Variants in CCSER1 observed in about 807,000 individuals in gnomAD.
CCSER1 encodes serine-rich coiled-coil domain-containing protein 1.
CCSER1 carries 41 observed loss-of-function variants against 82.0 expected under a neutral mutation model. That is an observed-to-expected ratio of 0.50 (90% CI 0.39 to 0.65). CCSER1 has a LOEUF of 0.65. Among genes scored for constraint, CCSER1 ranks in the 30% least tolerant of loss-of-function variants. CCSER1 has a pLI of 0.00. For missense variants in CCSER1, 1,119 were observed against 1,064.2 expected (o/e 1.05, Z -0.72); for synonymous variants, 414 against 383.9 (o/e 1.08, Z -0.92).
chr4:91,482,286 C>T (rs1367571250), intron 10 of CCSER1, among the ~76,000 whole-genome samples: 1 of 94,040 alleles, frequency 1.1e-5, no homozygotes, highest in Non-Finnish European at 2.1e-5. Context: ...CCTGTAGTCC[C>T]AGCTACTCGG....
chr4:90,892,217 C>CTTATTTT (rs1466278250), intron 8 of CCSER1, among the ~76,000 whole-genome samples: 2 of 151,804 alleles, frequency 1.3e-5, no homozygotes, highest in African/African-American at 4.8e-5. Flanking sequence ...TTAAGAAAGG[C>CTTATTTT]TTATTTTTAT....
chr4:91,050,341 G>T (rs1043030425), intron 9 of CCSER1, among the ~76,000 whole-genome samples: 2 of 151,456 alleles, frequency 1.3e-5, no homozygotes, highest in East Asian at 2.0e-4. Context: ...TGGGGCAGGA[G>T]ACTCTCTTGA....
chr4:90,434,779 G>T (rs1376549299), intron 4 of CCSER1, among the ~76,000 whole-genome samples: 1 of 152,126 alleles, frequency 6.6e-6, no homozygotes, highest in Non-Finnish European at 1.5e-5. Context: ...AGTAGTTGGG[G>T]ATTTGGTAAA....
chr4:90,262,315 C>G (rs1724482785), intron 1 of CCSER1, among the ~76,000 whole-genome samples: 1 of 151,900 alleles, frequency 6.6e-6, no homozygotes, highest in South Asian at 2.1e-4. Flanking sequence ...TCATTTGATT[C>G]TTGGTGCTTT....
At position 91,249,335 on chromosome 4, in the gene CCSER1, C is replaced by A. The variant is rs559735210; in HGVS notation, c.2217+163341C>A. On this transcript the variant is annotated intron_variant, in intron 10 of 10. Coordinates refer to ENST00000509176, the MANE Select transcript of CCSER1 (RefSeq NM_001145065.2). ...TTTCCCAATAGTTTAAGTTTACTTACTAAGAAGGGCTACGAGAGATGTGAC... is the reference window on the plus strand; with the variant it reads ...TTTCCCAATAGTTTAAGTTTACTTAATAAGAAGGGCTACGAGAGATGTGAC... Among the ~76,000 whole-genome samples, 13 of 152,206 alleles carry A rather than the reference C, an allele frequency of 8.5e-5. No homozygotes were observed. The East Asian group carries it at 2.5e-3, about 29-fold the overall frequency.
intron 4 of CCSER1, among the ~76,000 whole-genome samples, chr4:90,440,466 A>G (rs1456908813): frequency 6.6e-6 from 1 of 152,226 alleles, no homozygotes; most frequent in Non-Finnish European, 1.5e-5. Flanking sequence ...CAGGGAGGTA[A>G]AGAAAGGCAA....
At chr4:90,714,091 CTG>C (rs1419912222) in intron 6 of CCSER1, among the ~76,000 whole-genome samples, 1 of 151,944 alleles carries the variant, frequency 6.6e-6, no homozygotes, top group Non-Finnish European at 1.5e-5. Flanking sequence ...TCATTCCTCT[CTG>C]TGAGTGCCAT....
intron 1 of CCSER1, among the ~76,000 whole-genome samples, chr4:90,276,757 T>G (rs970756135): frequency 6.6e-6 from 1 of 152,158 alleles, no homozygotes; most frequent in African/African-American, 2.4e-5. Flanking sequence ...ATAGACGTCT[T>G]GGTTTCTTTT....
At chr4:90,829,020 A>G (rs1221648773) in intron 8 of CCSER1, among the ~76,000 whole-genome samples, 1 of 152,132 alleles carries the variant, frequency 6.6e-6, no homozygotes, top group East Asian at 1.9e-4. Flanking sequence ...TAAATGCAAA[A>G]TGGGTATCAC....
At chr4:91,593,641 A>T (rs144765003) in intron 10 of CCSER1, among the ~76,000 whole-genome samples, 35 of 151,996 alleles carry the variant, frequency 2.3e-4, no homozygotes, top group African/African-American at 7.7e-4. Flanking sequence ...TAAAAACCCA[A>T]TGCTTTATAA....
At chr4:91,094,168 C>A (rs1724260071) in intron 10 of CCSER1, among the ~76,000 whole-genome samples, 1 of 152,170 alleles carries the variant, frequency 6.6e-6, no homozygotes, top group African/African-American at 2.4e-5. Context: ...CGTACTGGAG[C>A]AAGACACAGC....
chr4:90,946,639 A>AAGAGAG (rs370849265), intron 9 of CCSER1, among the ~76,000 whole-genome samples: 1 of 148,646 alleles, frequency 6.7e-6, no homozygotes, highest in Non-Finnish European at 1.5e-5. Flanking sequence ...AAAAAAAAAA[A>AAGAGAG]AGAGATTATA....
At chr4:90,845,929 G>T (rs571450000) in intron 8 of CCSER1, among the ~76,000 whole-genome samples, 57 of 151,986 alleles carry the variant, frequency 3.8e-4, no homozygotes, top group African/African-American at 1.3e-3. Flanking sequence ...TACAAATGCT[G>T]AGTCATTAGT....
chr4:90,901,047 A>G (rs1724568523), intron 8 of CCSER1, among the ~76,000 whole-genome samples: 1 of 151,456 alleles, frequency 6.6e-6, no homozygotes, highest in Admixed American at 6.6e-5. Context: ...CTCTAATTTG[A>G]CTTTTTTTAA....
intron 3 of CCSER1, among the ~76,000 whole-genome samples, chr4:90,375,402 A>G (rs7434494): frequency 0.36 from 55,181 of 151,620 alleles, 10,512 homozygotes; most frequent in African/African-American, 0.47. Flanking sequence ...AATGGGACAC[A>G]TGGGTTTTGT....
chr4:90,416,161 A>G (rs1755754122), intron 4 of CCSER1, among the ~76,000 whole-genome samples: 1 of 150,422 alleles, frequency 6.6e-6, no homozygotes, highest in Non-Finnish European at 1.5e-5. Context: ...CGTATATCAA[A>G]TCATTACCTT....
intron 10 of CCSER1, among the ~76,000 whole-genome samples, chr4:91,186,609 C>A (rs530908668): frequency 1.3e-5 from 2 of 152,296 alleles, no homozygotes; most frequent in South Asian, 2.1e-4. Context: ...AGTGGGAAAT[C>A]AGGGGTCTCA....
chr4:90,799,504 A>C (rs920854894), intron 7 of CCSER1, among the ~76,000 whole-genome samples: 4 of 152,256 alleles, frequency 2.6e-5, no homozygotes, highest in African/African-American at 9.6e-5. Context: ...AGCTCTCTGC[A>C]GCTCAGGCAC....
chr4:91,115,377 A>C (rs967432411), intron 10 of CCSER1, among the ~76,000 whole-genome samples: 2 of 151,886 alleles, frequency 1.3e-5, no homozygotes, highest in African/African-American at 4.8e-5. Flanking sequence ...CCCAGGCTGG[A>C]GTGCAGTGGC....
Sources: allele counts gnomAD v4.1 joint callset (sites outside exome capture counted in the v4.1 genomes callset), GRCh38; gene constraint gnomAD v4.1.1; transcripts MANE v1.5; gene names NCBI Gene and HGNC (gene_info 2026-07-23, HGNC 2026-07-21).